ZSWIM2: variants seen among roughly 807,000 people sequenced by gnomAD.
ZSWIM2 encodes the protein zinc finger SWIM-type containing 2, also known as E3 ubiquitin-protein ligase ZSWIM2.
Under a neutral mutation model 48.4 loss-of-function variants are expected in ZSWIM2, and 38 were observed. That is an observed-to-expected ratio of 0.79 (90% CI 0.61 to 1.03). The LOEUF is 1.03. Ranked by LOEUF, ZSWIM2 falls within the 50% of genes least tolerant of loss-of-function variation. The probability of loss-of-function intolerance (pLI) is 0.00; values close to 1 mark genes in which losing one functional copy is unlikely to be tolerated. For synonymous variants in ZSWIM2, 240 were observed against 251.3 expected (o/e 0.96, Z 0.42); for missense variants, 776 against 730.2 (o/e 1.06, Z -0.72).
intron 2 of ZSWIM2, among the ~76,000 whole-genome samples, chr2:186,847,038 G>T (rs1192650982): frequency 6.6e-6 from 1 of 151,154 alleles, no homozygotes; most frequent in African/African-American, 2.4e-5. Context: ...GGGAGGGTGG[G>T]AAGGGAGTAA....
intron 3 of ZSWIM2, 99 bp from the exon 4 acceptor site, chr2:186,839,268 A>G: frequency 9.1e-7 from 1 of 1,098,848 alleles, no homozygotes; most frequent in Non-Finnish European, 1.3e-6. Context: ...TTCAAATATC[A>G]GAGAGACAGT....
Position 186,848,970 on chromosome 2 carries a change from A to G in ZSWIM2, c.161T>C (p.Phe54Ser). The G allele has an allele frequency of 3.7e-6, 6 of 1,613,972 alleles. No homozygotes were observed. Among genetic ancestry groups the G allele is most frequent in the Non-Finnish European group, 5.1e-6 (6 of 1,179,950 alleles). Residue 54 changes from phenylalanine to serine, a missense_variant, in exon 1 of 9, where the codon TTC becomes TCC. Transcript: ENST00000295131. ...GGCGGTAGGGGCGGTAGTTACTCGG[A>G]AATCCATGTATTCCGGCTCCTCCTC... ...LREEEPEYMD[F>S]RVFLGNPHVC...
intron 2 of ZSWIM2, among the ~76,000 whole-genome samples, chr2:186,846,520 T>C (rs1365564267): frequency 6.6e-6 from 1 of 151,868 alleles, no homozygotes; most frequent in Admixed American, 6.6e-5. Context: ...GGAATGCTTA[T>C]ATACTATTGC....
In ZSWIM2 at chr2:186,847,762, AAC is replaced by A. The variant is rs1692032477; in HGVS notation, c.197_198del (p.Cys66PhefsTer11). On this transcript the variant is annotated frameshift_variant, in exon 2 of 9. Coordinates refer to ENST00000295131, the MANE Select transcript of ZSWIM2 (RefSeq NM_182521.3). LOFTEE classifies it high-confidence loss of function. ...AGTTCCCCTCCTTTCGGAAATGTGG[AAC>A]AGTTACAAACGTGAGGATTTCCTAG... ...VFLGNPHVCN[C>X]STFPKGGELC... 1.2e-6 allele frequency: 2 copies of A among 1,607,788 alleles called. No individual in the cohort carries two copies. Among genetic ancestry groups the A allele is most frequent in the Non-Finnish European group, 1.7e-6 (2 of 1,176,754 alleles).
chr2:186,834,364 G>C (rs935344559), intron 5 of ZSWIM2, among the ~76,000 whole-genome samples: 2 of 152,082 alleles, frequency 1.3e-5, no homozygotes, highest in Non-Finnish European at 2.9e-5. Flanking sequence ...TCTAGAGTAG[G>C]GGTCCCCAAC....
chr2:186,840,139 C>T (rs3114949), intron 3 of ZSWIM2, among the ~76,000 whole-genome samples: 83,960 of 151,256 alleles, frequency 0.56, 24,596 homozygotes, highest in East Asian at 0.85. Flanking sequence ...GGCAAGTGGA[C>T]TGTGGGAGGG....
intron 4 of ZSWIM2, among the ~76,000 whole-genome samples, chr2:186,838,579 T>C (rs1691841372): frequency 6.7e-6 from 1 of 150,278 alleles, no homozygotes; most frequent in Admixed American, 6.7e-5. Flanking sequence ...ATTGTGGAAT[T>C]ATGTTTCAGT....
Position 186,837,332 on chromosome 2 carries a change from C to G in ZSWIM2, c.717G>C (p.Gln239His). 1 of 1,612,718 alleles carries G rather than the reference C, an allele frequency of 6.2e-7. No homozygotes were observed. Among genetic ancestry groups the G allele is most frequent in the Non-Finnish European group, 8.5e-7 (1 of 1,179,114 alleles). The stretch of plus-strand genomic sequence containing the variant: ...TATAACACTTCCCCTCAATTGGAAA[C>G]TGTTTGCAGTTATTACAGGGAATCC... Reference protein sequence around the residue: ...HLGIPCNNCKQFPIEGKCYKC... With the variant: ...HLGIPCNNCKHFPIEGKCYKC... The change falls in exon 5 of 9, where the codon CAG (glutamine) becomes CAC (histidine). Residue 239 changes from glutamine to histidine, a missense_variant. Transcript: ENST00000295131.
chr2:186,828,639 A>G lies in ZSWIM2; in HGVS notation c.1247T>C (p.Leu416Pro), dbSNP rs1361681697. ...AAGATCTGGTTCTTTCTGCTTTGATAGATGAATGATGTCTCTGTTTGAAAC... is the reference window on the plus strand; with the variant it reads ...AAGATCTGGTTCTTTCTGCTTTGATGGATGAATGATGTCTCTGTTTGAAAC... Reference protein sequence around the residue: ...QSVSNRDIIHLSKQKEPDLFI... With the variant: ...QSVSNRDIIHPSKQKEPDLFI... The change falls in exon 9 of 9, where the codon CTA (leucine) becomes CCA (proline). Residue 416 changes from leucine (L) to proline (P), a missense_variant. Transcript: ENST00000295131. 4 of 1,612,812 alleles carry G rather than the reference A, an allele frequency of 2.5e-6. No homozygotes were observed. The highest frequency in any genetic ancestry group is 2.7e-5 in the African/African-American group (2 of 74,874).
At chr2:186,835,997 A>C (rs1380993936) in intron 5 of ZSWIM2, among the ~76,000 whole-genome samples, 4 of 152,134 alleles carry the variant, frequency 2.6e-5, no homozygotes, top group African/African-American at 9.7e-5. Flanking sequence ...GGACAGAAAG[A>C]GCAGTCAGAA....
chr2:186,829,228 CTTTG>C (rs1281367064), intron 8 of ZSWIM2, among the ~76,000 whole-genome samples: 12 of 152,082 alleles, frequency 7.9e-5, no homozygotes, highest in South Asian at 2.1e-4. Flanking sequence ...ATTACTGAAG[CTTTG>C]TTTGTTTACT....
rs755436347 is a variant in ZSWIM2 at position 186,828,107 on chromosome 2, C to A, written c.1779G>T (p.Arg593Ser). The change falls in exon 9 of 9, where the codon AGG becomes AGT. Residue 593 changes from arginine to serine, a missense_variant. Transcript: ENST00000295131. ...WSTAKLSLSKRYSNCMGEITR... is the reference protein window; with the variant it reads ...WSTAKLSLSKSYSNCMGEITR... ...TAATTTCCCCCATACAGTTACTATA[C>A]CTTTTAGACAAACTAAGTTTAGCTG... 1.2e-6 allele frequency: 2 copies of A among 1,613,336 alleles called. No individual in the cohort carries two copies. Among genetic ancestry groups the A allele is most frequent in the Non-Finnish European group, 1.7e-6 (2 of 1,179,654 alleles).
At chr2:186,833,093 A>T in intron 7 of ZSWIM2, 27 bp downstream of exon 7, 1 of 1,065,276 alleles carries the variant, frequency 9.4e-7, no homozygotes, top group Non-Finnish European at 1.3e-6. Context: ...GTCATACAAC[A>T]AATATAAAAT....
chr2:186,831,250 C>T (rs1402445835), intron 7 of ZSWIM2, among the ~76,000 whole-genome samples: 3 of 152,026 alleles, frequency 2.0e-5, no homozygotes, highest in Admixed American at 1.3e-4. Flanking sequence ...TCATTTTACG[C>T]CCCACAAGAG....
rs1691667517 is a variant in ZSWIM2 at position 186,829,858 on chromosome 2, T to C, written c.964A>G (p.Ile322Val). 6.2e-7 allele frequency: 1 copy of C among 1,613,458 alleles called. No individual in the cohort carries two copies. Among genetic ancestry groups the C allele is most frequent in the Non-Finnish European group, 8.5e-7 (1 of 1,179,722 alleles). ...AGTTGGAGAGGCAGTGATCTTACAA[T>C]GTGTTTTGGTGTGTAAACTTGGCTG... ...KQGQVYTPKH[I>V]VRSLPLQLIT... The change falls in exon 8 of 9, where the codon ATT becomes GTT. Residue 322 changes from isoleucine (I) to valine (V), a missense_variant. Physicochemically the swap from Ile to Val is conservative, Grantham distance 29. Coordinates refer to ENST00000295131, the MANE Select transcript of ZSWIM2 (RefSeq NM_182521.3).
intron 2 of ZSWIM2, among the ~76,000 whole-genome samples, chr2:186,845,107 G>T (rs1280234779): frequency 6.6e-6 from 1 of 151,420 alleles, no homozygotes; most frequent in Non-Finnish European, 1.5e-5. Flanking sequence ...TGGAAAGGCA[G>T]TAATTTTCTG....
At chr2:186,836,902 T>C (rs564874105) in intron 5 of ZSWIM2, among the ~76,000 whole-genome samples, 7 of 152,256 alleles carry the variant, frequency 4.6e-5, no homozygotes, top group African/African-American at 1.7e-4. Context: ...AATGTCTCTC[T>C]GGCCCAATCT....
At position 186,833,178 on chromosome 2, in the gene ZSWIM2, A is replaced by G. The variant is rs1691734487; in HGVS notation, c.883T>C (p.Tyr295His). 1 of 1,541,302 alleles carries G rather than the reference A, an allele frequency of 6.5e-7. No homozygotes were observed. Among genetic ancestry groups the G allele is most frequent in the Non-Finnish European group, 8.7e-7 (1 of 1,147,338 alleles). Residue 295 changes from tyrosine to histidine, a missense_variant, in exon 7 of 9, where the codon TAC (tyrosine) becomes CAC (histidine). Tyr to His is a moderately conservative substitution (Grantham distance 83, BLOSUM62 2). Transcript: ENST00000295131. ...LEKRADEVVK[Y>H]IDTKNEIEEK... ...TCAATCTCATTTTTAGTATCTATGT[A>G]TTTTACAACTTCATCTGCTCTTTTT...
intron 3 of ZSWIM2, among the ~76,000 whole-genome samples, chr2:186,840,804 C>T (rs1406997713): frequency 6.6e-6 from 1 of 151,318 alleles, no homozygotes; most frequent in South Asian, 2.1e-4. Context: ...AATTTAATAA[C>T]ACAAAAACTC....
Sources: allele counts gnomAD v4.1 joint callset (sites outside exome capture counted in the v4.1 genomes callset), GRCh38; gene constraint gnomAD v4.1.1; transcripts MANE v1.5; gene names NCBI Gene and HGNC (gene_info 2026-07-23, HGNC 2026-07-21).